Variants in PTGR1 observed in about 807,000 individuals in gnomAD.
PTGR1 encodes the protein prostaglandin reductase 1.
In PTGR1, 23 loss-of-function variants were observed where a neutral mutation model predicts 37.7. The observed-to-expected ratio is 0.61, with a 90% CI of 0.44 to 0.86. PTGR1 has a LOEUF of 0.86. Ranked by LOEUF, PTGR1 falls within the 40% of genes least tolerant of loss-of-function variation. The probability of loss-of-function intolerance (pLI) is 0.00; values close to 1 mark genes in which losing one functional copy is unlikely to be tolerated. For synonymous variants in PTGR1, 134 were observed against 140.0 expected (o/e 0.96, Z 0.30); for missense variants, 351 against 394.3 (o/e 0.89, Z 0.93).
At chr9:111,561,123 AG>A (rs1828293444), downstream of PTGR1, among the ~76,000 whole-genome samples, 1 of 59,810 alleles carries the variant, frequency 1.7e-5, no homozygotes, top group Non-Finnish European at 3.1e-5. Context: ...AGAGAGAGAG[AG>A]AGAGAGAGAG....
Position 111,578,955 on chromosome 9 carries a change from AG to A in PTGR1, c.496-5del. ...CTGCTCCAACAACTTTGCAGCCCTA[AG>A]TAGAAAAAAAAAAAAAAAGGAAACC... On this transcript the variant is annotated splice_polypyrimidine_tract_variant and splice_region_variant and intron_variant, in intron 6 of 9. Coordinates refer to ENST00000407693, the MANE Select transcript of PTGR1 (RefSeq NM_001146108.2). 3 of 1,564,270 alleles carry A rather than the reference AG, an allele frequency of 1.9e-6. No individual in the cohort carries two copies. Among genetic ancestry groups the A allele is most frequent in the African/African-American group, 1.4e-5 (1 of 70,828 alleles).
intron 9 of PTGR1, among the ~76,000 whole-genome samples, chr9:111,553,472 A>ATAGG (rs1828032058): frequency 6.6e-6 from 1 of 152,192 alleles, no homozygotes; most frequent in Non-Finnish European, 1.5e-5. Context: ...TGCTGTTTGC[A>ATAGG]TAGGTATACT....
At chr9:111,599,141 TCGCCCGCCCGAGGAGGGGGCCTGGCGCGG>T (rs1829865598) in intron 1 of PTGR1, among the ~76,000 whole-genome samples, 1 of 151,988 alleles carries the variant, frequency 6.6e-6, no homozygotes, top group African/African-American at 2.4e-5. Flanking sequence ...CGGGAAAGTC[TCGCCCGCCCGAGGAGGGGGCCTGGCGCGG>T]CGCCCGGCCT....
chr9:111,594,175 A>G (rs1293062986), intron 3 of PTGR1, 47 bp downstream of exon 3: 1 of 1,530,502 alleles, frequency 6.5e-7, no homozygotes, highest in Non-Finnish European at 9.1e-7. Flanking sequence ...ACTTCCAGAT[A>G]GCATTTAACA....
chr9:111,583,432 G>A, intron 6 of PTGR1, 40 bp downstream of exon 6: 1 of 1,495,800 alleles, frequency 6.7e-7, no homozygotes, highest in Non-Finnish European at 9.3e-7. Context: ...ATTCCCAATG[G>A]GTTTTGAATA....
downstream of PTGR1, among the ~76,000 whole-genome samples, chr9:111,561,783 G>C (rs900204144): frequency 1.3e-5 from 2 of 151,444 alleles, no homozygotes; most frequent in Non-Finnish European, 2.9e-5. Flanking sequence ...CAAGCAATAG[G>C]GGTGGTAATC....
downstream of PTGR1, among the ~76,000 whole-genome samples, chr9:111,560,966 TATATATATAGAGAGAG>T (rs1284361181): frequency 8.8e-5 from 4 of 45,382 alleles, 1 homozygote; most frequent in Admixed American, 3.0e-4. Flanking sequence ...TATATATATA[TATATATATAGAGAGAG>T]AGAGAGAGAG....
At chr9:111,578,735 G>C in intron 7 of PTGR1, 61 bp downstream of exon 7, 1 of 1,444,606 alleles carries the variant, frequency 6.9e-7, no homozygotes, top group Non-Finnish European at 9.3e-7. Context: ...AGGGGTAGGA[G>C]ACTCCTGCTT....
intron 9 of PTGR1, among the ~76,000 whole-genome samples, chr9:111,557,119 C>T (rs1416499835): frequency 6.6e-6 from 1 of 152,206 alleles, no homozygotes; most frequent in Admixed American, 6.5e-5. Context: ...CCTCATGCAG[C>T]ATTTCCGCAG....
intron 4 of PTGR1, among the ~76,000 whole-genome samples, chr9:111,587,252 T>C (rs552892049): frequency 1.3e-5 from 2 of 152,134 alleles, no homozygotes; most frequent in Non-Finnish European, 2.9e-5. Flanking sequence ...TCCCTTTTCT[T>C]CATCCAACTC....
chr9:111,581,535 A>G (rs1225579407), intron 6 of PTGR1, among the ~76,000 whole-genome samples: 2 of 152,220 alleles, frequency 1.3e-5, no homozygotes, highest in Admixed American at 6.5e-5. Flanking sequence ...CAAAGGAAAG[A>G]GAATCAGATT....
intron 4 of PTGR1, 31 bp from the exon 5 acceptor site, chr9:111,586,196 G>T (rs994046457): frequency 6.3e-7 from 1 of 1,599,474 alleles, no homozygotes; most frequent in South Asian, 1.1e-5. Context: ...AGGCATTAAG[G>T]CATGTGACAT....
intron 2 of PTGR1, among the ~76,000 whole-genome samples, chr9:111,596,596 CAAAAA>C: frequency 7.7e-6 from 1 of 130,228 alleles, no homozygotes; most frequent in African/African-American, 2.9e-5. Context: ...ACTAAAAATA[CAAAAA>C]AAAAAAAAAA....
chr9:111,588,007 ATTATT>A (rs1454208806), intron 4 of PTGR1, among the ~76,000 whole-genome samples: 1 of 109,578 alleles, frequency 9.1e-6, no homozygotes, highest in Non-Finnish European at 1.9e-5. Flanking sequence ...AAACGTGATT[ATTATT>A]TTTTCTTTTT....
chr9:111,595,371 G>T (rs1829747297), intron 2 of PTGR1, among the ~76,000 whole-genome samples: 1 of 152,114 alleles, frequency 6.6e-6, no homozygotes, highest in Non-Finnish European at 1.5e-5. Context: ...TCCATTTTAG[G>T]TTAGGCTTAG....
At chr9:111,581,873 T>C (rs1351025787) in intron 6 of PTGR1, among the ~76,000 whole-genome samples, 3 of 152,124 alleles carry the variant, frequency 2.0e-5, no homozygotes, top group Admixed American at 2.0e-4. Flanking sequence ...ATTTATTAGA[T>C]TATTGAATAA....
intron 6 of PTGR1, among the ~76,000 whole-genome samples, chr9:111,581,947 T>G (rs1323118769): frequency 2.0e-5 from 3 of 152,174 alleles, no homozygotes; most frequent in Admixed American, 6.5e-5. Flanking sequence ...TATACATGTA[T>G]ATGTTTATTC....
chr9:111,583,084 C>T (rs1035064094), intron 6 of PTGR1, among the ~76,000 whole-genome samples: 2 of 152,262 alleles, frequency 1.3e-5, no homozygotes, highest in Admixed American at 6.5e-5. Flanking sequence ...TCTAGTACAA[C>T]AGCCTTGGCA....
chr9:111,561,110 T>TATATATAGAGAGAGAGAG (rs1457364862), downstream of PTGR1, among the ~76,000 whole-genome samples: 1 of 19,196 alleles, frequency 5.2e-5, no homozygotes, highest in African/African-American at 3.9e-4. Flanking sequence ...TATATATATA[T>TATATATAGAGAGAGAGAG]AGAGAGAGAG....
Sources: allele counts gnomAD v4.1 joint callset (sites outside exome capture counted in the v4.1 genomes callset), GRCh38; gene constraint gnomAD v4.1.1; transcripts MANE v1.5; gene names NCBI Gene and HGNC (gene_info 2026-07-23, HGNC 2026-07-21).